Variants in PACRG observed in about 807,000 individuals in gnomAD.
PACRG encodes the protein parkin coregulated, also known as parkin coregulated gene protein.
A neutral mutation model predicts 29.7 loss-of-function variants in PACRG; 29 were observed. That is an observed-to-expected ratio of 0.98 (90% confidence interval 0.73 to 1.33). The LOEUF (loss-of-function observed/expected upper bound fraction) is 1.33, where lower values mean the gene tolerates loss of function less well. PACRG is among the 40% of genes most tolerant of loss of function. The pLI is 0.00. For missense variants in PACRG, 279 were observed against 316.2 expected (o/e 0.88, Z 0.89); for synonymous variants, 116 against 118.7 (o/e 0.98, Z 0.15).
At chr6:163,054,316 G>A (rs1810333846) in intron 2 of PACRG, among the ~76,000 whole-genome samples, 1 of 152,160 alleles carries the variant, frequency 6.6e-6, no homozygotes, top group Admixed American at 6.5e-5. Flanking sequence ...GCACACAGAG[G>A]AAGGGCCCTG....
At chr6:163,025,880 T>G (rs978478484) in intron 2 of PACRG, among the ~76,000 whole-genome samples, 6 of 152,228 alleles carry the variant, frequency 3.9e-5, no homozygotes, top group African/African-American at 1.4e-4. Context: ...GAGTGTCCAG[T>G]TTAGGCAATT....
chr6:162,787,906 T>TG (rs1391653292), intron 1 of PACRG, among the ~76,000 whole-genome samples: 1 of 65,286 alleles, frequency 1.5e-5, no homozygotes, highest in Non-Finnish European at 4.5e-5. Context: ...ATAGACTTTA[T>TG]TTTTTAGAGC....
intron 1 of PACRG, among the ~76,000 whole-genome samples, chr6:162,729,457 C>T (rs1365693142): frequency 6.6e-6 from 1 of 152,136 alleles, no homozygotes; most frequent in Non-Finnish European, 1.5e-5. Context: ...GCCAGGTTCC[C>T]ATGTGGCTAT....
intron 2 of PACRG, among the ~76,000 whole-genome samples, chr6:162,846,053 C>T (rs188083068): frequency 4.6e-5 from 7 of 152,102 alleles, no homozygotes; most frequent in Admixed American, 3.9e-4. Context: ...GACCTAGGTG[C>T]GGGTCTGACC....
At chr6:162,891,033 G>A (rs1430503074) in intron 2 of PACRG, among the ~76,000 whole-genome samples, 1 of 152,168 alleles carries the variant, frequency 6.6e-6, no homozygotes, top group African/African-American at 2.4e-5. Context: ...CCTGCTCCAG[G>A]AAAGCCTTGT....
rs937969933 is a variant in PACRG, at chr6:162,728,133, A to G, written c.-103A>G. 7.5e-7 allele frequency: 1 copy of G among 1,335,562 alleles called. No homozygotes were observed. Among genetic ancestry groups the G allele is most frequent in the Non-Finnish European group, 1.0e-6 (1 of 969,160 alleles). The allele number at this position is 1,335,562 out of a possible 1,614,324, so 82.7% of individuals were successfully genotyped here. A position where few individuals can be genotyped will look rare whatever the true frequency, so the allele number is the denominator to read the frequency against. ...TACGAGGGGTTGAATTTCTACCATT[A>G]TCGCGCCTTTTGATATTTTTTTCCA... On this transcript the variant is annotated 5_prime_UTR_variant, in exon 1 of 5. Transcript: ENST00000366888.
At chr6:162,835,128 C>A (rs1789111881) in intron 2 of PACRG, among the ~76,000 whole-genome samples, 1 of 152,018 alleles carries the variant, frequency 6.6e-6, no homozygotes, top group African/African-American at 2.4e-5. Context: ...ACAAGCTAAA[C>A]TATATTATTT....
intron 2 of PACRG, among the ~76,000 whole-genome samples, chr6:163,014,665 T>A (rs1805925099): frequency 6.6e-6 from 1 of 152,164 alleles, no homozygotes; most frequent in South Asian, 2.1e-4. Flanking sequence ...TTGAGAAGTG[T>A]CTGTTCATGT....
chr6:163,085,761 G>A (rs1283186674), intron 3 of PACRG, among the ~76,000 whole-genome samples: 1 of 152,212 alleles, frequency 6.6e-6, no homozygotes, highest in African/African-American at 2.4e-5. Context: ...GACTAGGCGT[G>A]GGACTTGATT....
At chr6:163,212,112 T>A (rs1781167142) in intron 4 of PACRG, among the ~76,000 whole-genome samples, 1 of 152,034 alleles carries the variant, frequency 6.6e-6, no homozygotes, top group South Asian at 2.1e-4. Flanking sequence ...CAGGGGTAGA[T>A]CAAATGAATA....
chr6:163,117,767 A>G (rs1002028410), intron 4 of PACRG, among the ~76,000 whole-genome samples: 2 of 151,642 alleles, frequency 1.3e-5, no homozygotes, highest in Non-Finnish European at 2.9e-5. Context: ...AAAAAAAAAA[A>G]AGTTTCTAAT....
At chr6:163,285,818 A>G (rs1420612100) in intron 4 of PACRG, among the ~76,000 whole-genome samples, 53 of 152,162 alleles carry the variant, frequency 3.5e-4, no homozygotes, top group Admixed American at 3.5e-3. Context: ...TCTAGCAAAG[A>G]ACATTGCCCA....
At chr6:163,187,992 A>T (rs1219710545) in intron 4 of PACRG, 1 of 152,334 alleles carries the variant, frequency 6.6e-6, no homozygotes, top group South Asian at 2.1e-4. Context: ...ATGAGGGGAG[A>T]GTTAAAAAGT....
intron 3 of PACRG, among the ~76,000 whole-genome samples, chr6:163,074,268 C>G (rs1812338441): frequency 6.6e-6 from 1 of 152,080 alleles, no homozygotes; most frequent in Non-Finnish European, 1.5e-5. Flanking sequence ...CTGTCATTTG[C>G]AACAACATGG....
chr6:163,195,787 A>G (rs1033901776), intron 4 of PACRG, among the ~76,000 whole-genome samples: 3 of 152,034 alleles, frequency 2.0e-5, no homozygotes, highest in Non-Finnish European at 4.4e-5. Context: ...TTCAGTTCCC[A>G]CGGCCATTCT....
intron 2 of PACRG, chr6:163,051,887 A>C (rs1044525715): frequency 6.6e-6 from 1 of 152,116 alleles, no homozygotes; most frequent in African/African-American, 2.4e-5. Context: ...TTGATGGATG[A>C]ATCCGTTTCA....
intron 4 of PACRG, among the ~76,000 whole-genome samples, chr6:163,150,994 T>C (rs1778062779): frequency 6.6e-6 from 1 of 152,214 alleles, no homozygotes; most frequent in Non-Finnish European, 1.5e-5. Context: ...TTACTTAAGA[T>C]TGAAATATAT....
At position 162,983,747 on chromosome 6, in the gene PACRG, T is replaced by C. The variant is rs60520779; in HGVS notation, c.292-78403T>C. Among the ~76,000 whole-genome samples, 659 of 152,190 alleles carry C rather than the reference T, an allele frequency of 4.3e-3. 5 individuals are homozygous for C. The highest frequency in any genetic ancestry group is 0.015 in the African/African-American group (634 of 41,570). ...CTTCACAGCTCTTAAGATTATTTCCTTTGTCTTGACTTTAGGTAACCTGAT... is the reference window on the plus strand; with the variant it reads ...CTTCACAGCTCTTAAGATTATTTCCCTTGTCTTGACTTTAGGTAACCTGAT... On this transcript the variant is annotated intron_variant, in intron 2 of 4. Transcript: ENST00000366888.
intron 2 of PACRG, among the ~76,000 whole-genome samples, chr6:163,054,475 T>C (rs1024989612): frequency 2.0e-5 from 3 of 152,130 alleles, no homozygotes; most frequent in African/African-American, 7.2e-5. Context: ...ACCTTGTCCA[T>C]GGTATTTTGT....
Sources: gnomAD v4.1 joint callset for allele counts (sites outside exome capture counted in the v4.1 genomes callset) on GRCh38, gnomAD v4.1.1 for gene constraint, MANE v1.5 for transcripts, NCBI Gene and HGNC (gene_info 2026-07-23, HGNC 2026-07-21) for gene names.